Variants in KLHL1 observed in about 807,000 individuals in gnomAD.
KLHL1 encodes the protein kelch-like protein 1.
Under a neutral mutation model 77.7 loss-of-function variants are expected in KLHL1, and 47 were observed. The ratio of observed to expected loss-of-function variants is 0.60; its 90% CI spans 0.48 to 0.77. The LOEUF (loss-of-function observed/expected upper bound fraction) is 0.77. Among genes scored for constraint, KLHL1 ranks in the 30% least tolerant of loss-of-function variants. The pLI, the probability that KLHL1 is intolerant of heterozygous loss-of-function variation, is 0.00. For missense variants in KLHL1, 925 were observed against 910.8 expected (o/e 1.02, Z -0.20); for synonymous variants, 360 against 325.2 (o/e 1.11, Z -1.15).
chr13:69,791,574 A>G (rs1566258915), intron 7 of KLHL1, among the ~76,000 whole-genome samples: 1 of 152,236 alleles, frequency 6.6e-6, no homozygotes. Flanking sequence ...TGGGAATGGC[A>G]TAAAGATATA....
At chr13:70,032,652 G>C (rs75453304) in intron 1 of KLHL1, among the ~76,000 whole-genome samples, 1 of 152,028 alleles carries the variant, frequency 6.6e-6, no homozygotes, top group African/African-American at 2.4e-5. Context: ...TAAATGTATA[G>C]TTTTGAAAAA....
intron 3 of KLHL1, among the ~76,000 whole-genome samples, chr13:69,949,698 T>C (rs1207154006): frequency 6.6e-6 from 1 of 151,824 alleles, no homozygotes; most frequent in African/African-American, 2.4e-5. Context: ...TTGTCTATTC[T>C]CCATCATTTA....
At chr13:69,880,204 T>C (rs935293012) in intron 5 of KLHL1, among the ~76,000 whole-genome samples, 5 of 152,304 alleles carry the variant, frequency 3.3e-5, no homozygotes, top group African/African-American at 9.6e-5. Flanking sequence ...TATTCCTCTG[T>C]GTAACAGATT....
intron 5 of KLHL1, among the ~76,000 whole-genome samples, chr13:69,855,297 TAGA>T (rs1879844068): frequency 1.1e-4 from 2 of 19,046 alleles, no homozygotes; most frequent in South Asian, 2.2e-3. Context: ...TTTAGATAGA[TAGA>T]TAGATAGATA....
At chr13:69,961,915 A>G (rs1261565339) in intron 2 of KLHL1, among the ~76,000 whole-genome samples, 2 of 151,958 alleles carry the variant, frequency 1.3e-5, no homozygotes, top group East Asian at 3.9e-4. Context: ...CCCTTTCTTT[A>G]ATATTTTAAA....
intron 4 of KLHL1, among the ~76,000 whole-genome samples, chr13:69,895,514 C>T (rs1411221343): frequency 2.6e-5 from 4 of 152,092 alleles, no homozygotes; most frequent in African/African-American, 4.8e-5. Flanking sequence ...TTTCCTATTG[C>T]TGCTGTAACA....
At chr13:69,810,069 T>C (rs1877800404) in intron 6 of KLHL1, among the ~76,000 whole-genome samples, 5 of 152,092 alleles carry the variant, frequency 3.3e-5, no homozygotes. Context: ...AGAAAAGACT[T>C]TGACAGCCAC....
Position 70,054,008 on chromosome 13 carries a change from G to A in KLHL1, c.497+53195C>T, listed in dbSNP as rs192891771. 3.6e-3 allele frequency among the ~76,000 whole-genome samples: 544 copies of A among 152,136 alleles called. 1 individual carries two copies. Among genetic ancestry groups the A allele is most frequent in the Non-Finnish European group, 4.2e-3 (285 of 67,958 alleles). On this transcript the variant is annotated intron_variant, in intron 1 of 10. Coordinates refer to ENST00000377844, the MANE Select transcript of KLHL1 (RefSeq NM_020866.3). ...TTTGTGTGGCCTTTGATGGCATTTT[G>A]TTCCTCTCATTTCTGGGAAAAATGT...
At chr13:70,080,221 C>A (rs970651040) in intron 1 of KLHL1, among the ~76,000 whole-genome samples, 2 of 152,048 alleles carry the variant, frequency 1.3e-5, no homozygotes, top group East Asian at 1.9e-4. Flanking sequence ...GACCAGGGAA[C>A]GAATTTGAGG....
chr13:69,896,359 T>C (rs1325049078), intron 4 of KLHL1, among the ~76,000 whole-genome samples: 1 of 152,194 alleles, frequency 6.6e-6, no homozygotes, highest in African/African-American at 2.4e-5. Context: ...CGTTGGTTAA[T>C]TAGTCATTCT....
intron 7 of KLHL1, among the ~76,000 whole-genome samples, chr13:69,754,551 G>A (rs1050236749): frequency 1.3e-5 from 2 of 151,936 alleles, no homozygotes; most frequent in Non-Finnish European, 2.9e-5. Flanking sequence ...CTTTCCAACT[G>A]GATTGTAAGC....
intron 1 of KLHL1, among the ~76,000 whole-genome samples, chr13:70,009,359 G>A (rs1885477512): frequency 6.6e-6 from 1 of 152,126 alleles, no homozygotes. Context: ...GAAAACACTA[G>A]GTGTTGCATA....
intron 5 of KLHL1, among the ~76,000 whole-genome samples, chr13:69,870,643 A>G (rs1220473976): frequency 6.6e-6 from 1 of 151,806 alleles, no homozygotes; most frequent in Non-Finnish European, 1.5e-5. Flanking sequence ...AAATATATAT[A>G]TATTATTTAT....
At chr13:70,064,406 C>T (rs1425711066) in intron 1 of KLHL1, among the ~76,000 whole-genome samples, 5 of 151,998 alleles carry the variant, frequency 3.3e-5, no homozygotes, top group South Asian at 2.1e-4. Context: ...TTGGGGATGA[C>T]GTGAAATGAC....
intron 7 of KLHL1, among the ~76,000 whole-genome samples, chr13:69,745,839 G>T (rs1874188158): frequency 1.3e-5 from 2 of 151,214 alleles, no homozygotes; most frequent in African/African-American, 4.8e-5. Context: ...TAATTTTTTT[G>T]CAATTTTCTG....
At chr13:69,741,112 G>A (rs1032158707) in intron 7 of KLHL1, among the ~76,000 whole-genome samples, 2 of 152,056 alleles carry the variant, frequency 1.3e-5, no homozygotes, top group Admixed American at 1.3e-4. Context: ...CTTATGTAAA[G>A]CTTAGAAAAT....
At chr13:69,948,253 T>G (rs1168002354) in intron 3 of KLHL1, among the ~76,000 whole-genome samples, 1 of 152,072 alleles carries the variant, frequency 6.6e-6, no homozygotes, top group Non-Finnish European at 1.5e-5. Flanking sequence ...GGTTTCAGAT[T>G]CAGACAGGAA....
At chr13:69,859,825 A>G (rs748628076) in intron 5 of KLHL1, among the ~76,000 whole-genome samples, 3 of 152,138 alleles carry the variant, frequency 2.0e-5, no homozygotes, top group Non-Finnish European at 4.4e-5. Context: ...TGCGTTTTGC[A>G]TAGGCAAATC....
chr13:69,804,609 C>G (rs531835495), intron 6 of KLHL1, among the ~76,000 whole-genome samples: 2 of 152,206 alleles, frequency 1.3e-5, no homozygotes, highest in East Asian at 3.9e-4. Flanking sequence ...TTTACAAACT[C>G]ACAAAGTAGA....
Sources: gnomAD v4.1 joint callset for allele counts (sites outside exome capture counted in the v4.1 genomes callset) on GRCh38, gnomAD v4.1.1 for gene constraint, MANE v1.5 for transcripts, NCBI Gene and HGNC (gene_info 2026-07-23, HGNC 2026-07-21) for gene names.